HSD17B2: variants seen among roughly 807,000 people sequenced by gnomAD.
HSD17B2 encodes the protein 17-beta-hydroxysteroid dehydrogenase type 2.
In HSD17B2, 32 loss-of-function variants were observed where a neutral mutation model predicts 26.9. The ratio of observed to expected loss-of-function variants is 1.19; its 90% CI spans 0.90 to 1.60. The LOEUF (loss-of-function observed/expected upper bound fraction) is 1.60, where lower values mean the gene tolerates loss of function less well. HSD17B2 is among the 40% of genes most tolerant of loss of function. The pLI is 0.00. For synonymous variants in HSD17B2, 246 were observed against 186.7 expected (o/e 1.32, Z -2.59); for missense variants, 613 against 468.6 (o/e 1.31, Z -2.85).
chr16:82,066,191 T>G (rs1914567542), intron 1 of HSD17B2, among the ~76,000 whole-genome samples: 1 of 152,236 alleles, frequency 6.6e-6, no homozygotes, highest in African/African-American at 2.4e-5. Context: ...TGTGTTTCAG[T>G]TGGTACCATC....
chr16:82,071,051 T>G lies in HSD17B2; in HGVS notation c.588T>G (p.Thr196=). 6.2e-7 allele frequency: 1 copy of G among 1,614,130 alleles called. No individual in the cohort carries two copies. The highest frequency in any genetic ancestry group is 8.5e-7 in the Non-Finnish European group (1 of 1,179,938). The change falls in exon 3 of 5, where the codon ACT becomes ACG. Residue 196 remains threonine, a synonymous_variant. Coordinates refer to ENST00000199936, the MANE Select transcript of HSD17B2 (RefSeq NM_002153.3). ...GCATGGCCGTGAACTTCTTTGGAAC[T>G]GTGGAGGTCACAAAGACGTTTTTGC... is the stretch of plus-strand genomic sequence containing the variant. ...KQCMAVNFFG[T]VEVTKTFLPL... is the part of the protein sequence containing the mutation.
chr16:82,062,619 TTCC>T (rs558657750), intron 1 of HSD17B2, among the ~76,000 whole-genome samples: 190 of 152,332 alleles, frequency 1.2e-3, no homozygotes, highest in African/African-American at 4.4e-3. Flanking sequence ...GTGCCTCAGT[TTCC>T]TCCTCTGTAA....
intron 1 of HSD17B2, among the ~76,000 whole-genome samples, chr16:82,047,990 GC>G (rs1265866125): frequency 6.6e-6 from 1 of 152,218 alleles, no homozygotes; most frequent in African/African-American, 2.4e-5. Flanking sequence ...AGCTGACTTT[GC>G]GAAAAATATT....
At chr16:82,075,414 T>C (rs1209120896) in intron 3 of HSD17B2, among the ~76,000 whole-genome samples, 1 of 151,936 alleles carries the variant, frequency 6.6e-6, no homozygotes, top group African/African-American at 2.4e-5. Flanking sequence ...AAATGAAAAG[T>C]TGGTTTCTGG....
intron 1 of HSD17B2, among the ~76,000 whole-genome samples, chr16:82,043,949 T>A (rs905830477): frequency 1.3e-5 from 2 of 152,184 alleles, no homozygotes; most frequent in African/African-American, 4.8e-5. Flanking sequence ...AGTCACATAA[T>A]CTAATTAAAG....
intron 1 of HSD17B2, among the ~76,000 whole-genome samples, chr16:82,057,319 C>A (rs1210535424): frequency 6.6e-6 from 1 of 152,206 alleles, no homozygotes; most frequent in Admixed American, 6.5e-5. Context: ...CTGCCTCAGC[C>A]TCCTGAATAG....
chr16:82,040,760 T>C (rs1044624933), intron 1 of HSD17B2, among the ~76,000 whole-genome samples: 1 of 152,194 alleles, frequency 6.6e-6, no homozygotes. Context: ...ATTTGAGACA[T>C]GCCATGTGCT....
At position 82,077,183 on chromosome 16, in the gene HSD17B2, A is replaced by G. The variant is rs943160224; in HGVS notation, c.664+6056A>G. Among the ~76,000 whole-genome samples the G allele has an allele frequency of 3.3e-5, 5 of 152,330 alleles. No individual in the cohort carries two copies. In the South Asian group the frequency reaches 8.3e-4, roughly 25 times the overall value. ...AAAAGAAATCCTGAAATTTATATGG[A>G]ACCACAAAAGACTCAGAAGAGCCAA... On this transcript the variant is annotated intron_variant, in intron 3 of 4. Coordinates refer to ENST00000199936, the MANE Select transcript of HSD17B2 (RefSeq NM_002153.3).
intron 3 of HSD17B2, among the ~76,000 whole-genome samples, chr16:82,079,502 C>T (rs1022795850): frequency 2.6e-5 from 4 of 152,150 alleles, no homozygotes; most frequent in Admixed American, 6.5e-5. Context: ...CTTATGATCC[C>T]GTTTAACCCT....
chr16:82,035,574 C>T lies in HSD17B2; in HGVS notation c.150C>T (p.Leu50=), dbSNP rs377625310. 6.2e-7 allele frequency: 1 copy of T among 1,614,100 alleles called. No individual in the cohort carries two copies. Among genetic ancestry groups the T allele is most frequent in the Non-Finnish European group, 8.5e-7 (1 of 1,180,054 alleles). ...CLAGLCAVCL[L]ILSPFWGLIL... ...CAGGCCTCTGTGCAGTCTGCCTGCT[C>T]ATCCTGTCCCCTTTTTGGGGCTTGA... Residue 50 remains leucine (L), a synonymous_variant, in exon 1 of 5, where the codon CTC becomes CTT. Coordinates refer to ENST00000199936, the MANE Select transcript of HSD17B2 (RefSeq NM_002153.3).
chr16:82,088,732 T>A (rs1013667359), intron 3 of HSD17B2, among the ~76,000 whole-genome samples: 2 of 152,218 alleles, frequency 1.3e-5, no homozygotes, highest in Non-Finnish European at 1.5e-5. Context: ...ATCACTTACA[T>A]AAAAATCCGC....
chr16:82,059,014 T>C (rs989320948), intron 1 of HSD17B2, among the ~76,000 whole-genome samples: 4 of 152,164 alleles, frequency 2.6e-5, no homozygotes, highest in African/African-American at 9.7e-5. Context: ...TCTGGAACAG[T>C]GAACCAGACA....
At chr16:82,083,506 T>G (rs1489408220) in intron 3 of HSD17B2, among the ~76,000 whole-genome samples, 1 of 152,160 alleles carries the variant, frequency 6.6e-6, no homozygotes, top group African/African-American at 2.4e-5. Context: ...TAATTGCTTC[T>G]TCTGGGGTCC....
intron 3 of HSD17B2, among the ~76,000 whole-genome samples, chr16:82,078,079 C>CA (rs965200719): frequency 2.2e-4 from 33 of 152,232 alleles, no homozygotes; most frequent in African/African-American, 7.0e-4. Context: ...ATACAATCAA[C>CA]AAAGTGAAGA....
Position 82,090,896 on chromosome 16 carries a change from C to G in HSD17B2, c.665-6C>G. 6.2e-7 allele frequency: 1 copy of G among 1,604,698 alleles called. No individual in the cohort carries two copies. The highest frequency in any genetic ancestry group is 2.2e-5 in the East Asian group (1 of 44,764). On this transcript the variant is annotated splice_polypyrimidine_tract_variant and splice_region_variant and intron_variant, in intron 3 of 4. Transcript: ENST00000199936. ...TTTGCTTCTTTTTCTCCCATTATTC[C>G]CATAGGAGGGGCCCCAATGGAAAGG...
chr16:82,095,440 T>C (rs894618867), intron 4 of HSD17B2: 3 of 152,872 alleles, frequency 2.0e-5, no homozygotes, highest in African/African-American at 7.2e-5. Context: ...CAAGGGCTCA[T>C]CCCCACAGCT....
chr16:82,056,088 T>C (rs982935994), intron 1 of HSD17B2, among the ~76,000 whole-genome samples: 3 of 152,222 alleles, frequency 2.0e-5, no homozygotes, highest in Non-Finnish European at 2.9e-5. Context: ...TTGCATCTTG[T>C]ACCATTATAT....
At chr16:82,097,154 G>C (rs377442338) in intron 4 of HSD17B2, 5 of 151,674 alleles carry the variant, frequency 3.3e-5, no homozygotes, top group Non-Finnish European at 5.9e-5. Flanking sequence ...TCAGTCTCCC[G>C]AATAGCTGGG....
Position 82,035,397 on chromosome 16 carries a change from C to A in HSD17B2, c.-28C>A. On this transcript the variant is annotated 5_prime_UTR_variant, in exon 1 of 5. Transcript: ENST00000199936. ...GCCCGCTAGACTCACTGGCCCTGAGCACTTGAAGGTGCAGCAAGTCACTGA... is the reference window on the plus strand; with the variant it reads ...GCCCGCTAGACTCACTGGCCCTGAGAACTTGAAGGTGCAGCAAGTCACTGA... 6.3e-7 allele frequency: 1 copy of A among 1,596,706 alleles called. No homozygotes were observed. The highest frequency in any genetic ancestry group is 8.6e-7 in the Non-Finnish European group (1 of 1,169,562).
Sources: gnomAD v4.1 joint callset for allele counts (sites outside exome capture counted in the v4.1 genomes callset) on GRCh38, gnomAD v4.1.1 for gene constraint, MANE v1.5 for transcripts, NCBI Gene and HGNC (gene_info 2026-07-23, HGNC 2026-07-21) for gene names.